The following PNRC1 variants were observed in gnomAD, a reference collection of about 807,000 sequenced individuals.
The protein encoded by PNRC1 is proline-rich nuclear receptor coactivator 1.
In PNRC1, 6 loss-of-function variants were observed where a neutral mutation model predicts 20.2. The ratio of observed to expected loss-of-function variants is 0.30; its 90% CI spans 0.16 to 0.59. The LOEUF (loss-of-function observed/expected upper bound fraction) is 0.59. PNRC1 is among the 20% of genes least tolerant of loss of function. PNRC1 has a pLI of 0.89. For synonymous variants in PNRC1, 202 were observed against 186.9 expected (o/e 1.08, Z -0.66); for missense variants, 488 against 430.2 (o/e 1.13, Z -1.19).
Position 89,084,192 on chromosome 6 carries a change from C to A in PNRC1, c.980C>A (p.Thr327Asn). Residue 327 changes from threonine (T) to asparagine (N), a missense_variant, in exon 2 of 2, where the codon ACT becomes AAT. Thr to Asn is a moderately conservative substitution (Grantham distance 65). Transcript: ENST00000336032. Reference protein sequence around the residue: ...VHLKTLLKVQT With the variant: ...VHLKTLLKVQN The stretch of plus-strand genomic sequence containing the variant: ...TTAAAAACGCTCCTCAAAGTTCAAA[C>A]TTAGATTTCAGATTTCAGTATGTGT... 6.4e-7 allele frequency: 1 copy of A among 1,570,310 alleles called. No individual in the cohort carries two copies. Among genetic ancestry groups the A allele is most frequent in the South Asian group, 1.2e-5 (1 of 84,416 alleles).
rs774008470 is a variant in PNRC1 at position 89,083,977 on chromosome 6, T to A, written c.765T>A (p.Asn255Lys). 1.1e-5 allele frequency: 18 copies of A among 1,613,732 alleles called. No individual in the cohort carries two copies. The African/African-American group carries it at 2.3e-4, about 20-fold the overall frequency. The change falls in exon 2 of 2, where the codon AAT becomes AAA. Residue 255 changes from asparagine to lysine, a missense_variant. Transcript: ENST00000336032. ...AGCAGGAAAAAAAGCCTTTTAAAAA[T>A]ACCGAGAACATTAAAAATTCGCATT... ...IQKQEKKPFK[N>K]TENIKNSHLK...
chr6:89,080,978 C>T lies in PNRC1; in HGVS notation c.84C>T (p.Tyr28=), dbSNP rs1323807826. ...CGCTTGGCTTTTCCTCCCGAGGTTA[C>T]TTTGGGGCCCTCCCGATGGTGACCA... is the stretch of plus-strand genomic sequence containing the variant. ...LAPLGFSSRG[Y]FGALPMVTTA... Residue 28 remains tyrosine, a synonymous_variant, in exon 1 of 2, where the codon TAC becomes TAT. Coordinates refer to ENST00000336032, the MANE Select transcript of PNRC1 (RefSeq NM_006813.3). 5.6e-6 allele frequency: 9 copies of T among 1,613,214 alleles called. No individual in the cohort carries two copies. Among genetic ancestry groups the T allele is most frequent in the Non-Finnish European group, 5.9e-6 (7 of 1,180,002 alleles).
At position 89,084,077 on chromosome 6, in the gene PNRC1, TCTC is replaced by T. The variant is rs1768061648; in HGVS notation, c.868_870del (p.Pro290del). The T allele has an allele frequency of 6.2e-7, 1 of 1,614,134 alleles. No homozygotes were observed. Among genetic ancestry groups the T allele is most frequent in the Non-Finnish European group, 8.5e-7 (1 of 1,180,012 alleles). ...TGGGGCAAAGTTTAGTGATCCACCT[TCTC>T]CTAGTGTTCTTCCAAAGCCTCCTAG... On this transcript the variant is annotated inframe_deletion, in exon 2 of 2. Coordinates refer to ENST00000336032, the MANE Select transcript of PNRC1 (RefSeq NM_006813.3).
chr6:89,081,005 G>C lies in PNRC1; in HGVS notation c.111G>C (p.Thr37=). The change falls in exon 1 of 2, where the codon ACG becomes ACC. Residue 37 remains threonine, a synonymous_variant. Coordinates refer to ENST00000336032, the MANE Select transcript of PNRC1 (RefSeq NM_006813.3). ...GYFGALPMVT[T]APPPLPRIPD... is the part of the protein sequence containing the mutation. ...TTGGGGCCCTCCCGATGGTGACCACGGCTCCGCCTCCTTTACCCCGGATCC... is the reference window on the plus strand; with the variant it reads ...TTGGGGCCCTCCCGATGGTGACCACCGCTCCGCCTCCTTTACCCCGGATCC... The C allele has an allele frequency of 1.2e-6, 2 of 1,612,786 alleles. No homozygotes were observed. The highest frequency in any genetic ancestry group is 8.5e-7 in the Non-Finnish European group (1 of 1,179,936).
At chr6:89,083,002 G>GTTTTTT (rs5878087) in intron 1 of PNRC1, among the ~76,000 whole-genome samples, 1 of 150,102 alleles carries the variant, frequency 6.7e-6, no homozygotes. Flanking sequence ...TAAGTTTTTT[G>GTTTTTT]TTGTTTTTTT....
intron 1 of PNRC1, 24 bp downstream of exon 1, chr6:89,081,458 G>A (rs958539898): frequency 1.0e-5 from 13 of 1,285,008 alleles, no homozygotes; most frequent in Non-Finnish European, 1.2e-5. Context: ...GGGGCCGTTG[G>A]GGAGTCGGGC....
Position 89,080,774 on chromosome 6 carries a change from G to T in PNRC1, c.-121G>T. On this transcript the variant is annotated 5_prime_UTR_variant, in exon 1 of 2. Transcript: ENST00000336032. ...TTGTTGCTGCGCCGCCACCGCCCGA[G>T]TCATGTTCCGCGATCTTCTCAGGCT... is the stretch of plus-strand genomic sequence containing the variant. 1 of 942,220 alleles carries T rather than the reference G, an allele frequency of 1.1e-6. No homozygotes were observed. The highest frequency in any genetic ancestry group is 1.6e-6 in the Non-Finnish European group (1 of 610,052). 58.4% of individuals were successfully genotyped at this position (942,220 alleles called of 1,614,324 possible).
At chr6:89,081,491 T>G (rs1420948842) in intron 1 of PNRC1, 57 bp downstream of exon 1, 6 of 785,422 alleles carry the variant, frequency 7.6e-6, no homozygotes, top group Non-Finnish European at 9.2e-6. Flanking sequence ...GCGGCCGAGC[T>G]CTGGGGCTGC....
chr6:89,080,802 C>G lies in PNRC1; in HGVS notation c.-93C>G. 8.0e-7 allele frequency: 1 copy of G among 1,247,192 alleles called. No individual in the cohort carries two copies. 77.3% of individuals were successfully genotyped at this position (1,247,192 alleles called of 1,614,324 possible). On this transcript the variant is annotated 5_prime_UTR_variant, in exon 1 of 2. Coordinates refer to ENST00000336032, the MANE Select transcript of PNRC1 (RefSeq NM_006813.3). ...ATGTTCCGCGATCTTCTCAGGCTCT[C>G]CTAGCAGCATCCATCGCCGCCACCC...
At chr6:89,083,570 C>G (rs1768049538) in intron 1 of PNRC1, among the ~76,000 whole-genome samples, 183 bp from the exon 2 acceptor site, 1 of 152,120 alleles carries the variant, frequency 6.6e-6, no homozygotes. Context: ...TTTTCTGTTT[C>G]TGCATTAATT....
intron 1 of PNRC1, chr6:89,082,678 C>T (rs774596307): frequency 2.0e-5 from 3 of 151,356 alleles, no homozygotes; most frequent in Admixed American, 1.3e-4. Flanking sequence ...GATTACCTTA[C>T]GCTTTTCCAT....
chr6:89,084,221 A>T lies in PNRC1; in HGVS notation c.*25A>T. ...GATTTCAGATTTCAGTATGTGTGTA[A>T]AACATAATTTTTCCCATATCCCTGG... On this transcript the variant is annotated 3_prime_UTR_variant, in exon 2 of 2. Coordinates refer to ENST00000336032, the MANE Select transcript of PNRC1 (RefSeq NM_006813.3). 6.6e-7 allele frequency: 1 copy of T among 1,507,504 alleles called. No homozygotes were observed. The highest frequency in any genetic ancestry group is 9.0e-7 in the Non-Finnish European group (1 of 1,117,090). 93.4% of individuals were successfully genotyped at this position (1,507,504 alleles called of 1,614,324 possible).
intron 1 of PNRC1, 140 bp from the exon 2 acceptor site, chr6:89,083,613 G>A (rs1346214760): frequency 1.6e-6 from 1 of 623,394 alleles, no homozygotes; most frequent in Non-Finnish European, 2.7e-6. Flanking sequence ...CTACATACGT[G>A]TTGTCACAAA....
Position 89,081,180 on chromosome 6 carries a change from A to AAGCGGCGAAAGAAG in PNRC1, c.288_301dup (p.Lys101SerfsTer87). On this transcript the variant is annotated frameshift_variant, in exon 1 of 2. Transcript: ENST00000336032. LOFTEE classifies it high-confidence loss of function. The stretch of plus-strand genomic sequence containing the variant: ...AGGCACTCCTCGGGCAGCGCCGAAG[A>AAGCGGCGAAAGAAG]AGCGGCGAAAGAAGAAGGTGCGGGC... 1 of 1,585,414 alleles carries AAGCGGCGAAAGAAG rather than the reference A, an allele frequency of 6.3e-7. No individual in the cohort carries two copies. Among genetic ancestry groups the AAGCGGCGAAAGAAG allele is most frequent in the Non-Finnish European group, 8.5e-7 (1 of 1,172,462 alleles).
Position 89,083,735 on chromosome 6 carries a change from G to A in PNRC1, c.541-18G>A. The A allele has an allele frequency of 6.5e-7, 1 of 1,537,868 alleles. No homozygotes were observed. The highest frequency in any genetic ancestry group is 8.8e-7 in the Non-Finnish European group (1 of 1,138,166). On this transcript the variant is annotated intron_variant, in intron 1 of 1. Coordinates refer to ENST00000336032, the MANE Select transcript of PNRC1 (RefSeq NM_006813.3). The stretch of plus-strand genomic sequence containing the variant: ...TTATCTAGAAACTATATTTACTTTT[G>A]TGTTCTTGTCTTTGTAGGTTTTAAA...
chr6:89,081,187 G>A lies in PNRC1; in HGVS notation c.293G>A (p.Arg98Gln). The A allele has an allele frequency of 6.3e-7, 1 of 1,580,064 alleles. No homozygotes were observed. The highest frequency in any genetic ancestry group is 8.5e-7 in the Non-Finnish European group (1 of 1,170,256). ...GTPRAAPKKR[R>Q]KKKVRASPAG... The stretch of plus-strand genomic sequence containing the variant: ...CCTCGGGCAGCGCCGAAGAAGCGGC[G>A]AAAGAAGAAGGTGCGGGCCAGCCCC... The change falls in exon 1 of 2, where the codon CGA becomes CAA. Residue 98 changes from arginine (R) to glutamine (Q), a missense_variant. Coordinates refer to ENST00000336032, the MANE Select transcript of PNRC1 (RefSeq NM_006813.3).
Position 89,080,888 on chromosome 6 carries a change from T to G in PNRC1, c.-7T>G. ...CTTCGTTGCTGAGCGACAAGCTTCCTAGCGCTATGACTGTCGTCTCCGTCC... is the reference window on the plus strand; with the variant it reads ...CTTCGTTGCTGAGCGACAAGCTTCCGAGCGCTATGACTGTCGTCTCCGTCC... On this transcript the variant is annotated 5_prime_UTR_variant, in exon 1 of 2. Coordinates refer to ENST00000336032, the MANE Select transcript of PNRC1 (RefSeq NM_006813.3). The G allele has an allele frequency of 6.2e-7, 1 of 1,609,462 alleles. No homozygotes were observed. Among genetic ancestry groups the G allele is most frequent in the Non-Finnish European group, 8.5e-7 (1 of 1,179,920 alleles).
chr6:89,081,285 G>A lies in PNRC1; in HGVS notation c.391G>A (p.Ala131Thr). 2 of 1,517,376 alleles carry A rather than the reference G, an allele frequency of 1.3e-6. No individual in the cohort carries two copies. The highest frequency in any genetic ancestry group is 1.8e-6 in the Non-Finnish European group (2 of 1,142,052). The allele number at this position is 1,517,376 out of a possible 1,614,324, so 94.0% of individuals were successfully genotyped here. Reference protein sequence around the residue: ...RPSLEGGRSPATGPSGAQEVP... With the variant: ...RPSLEGGRSPTTGPSGAQEVP... ...GAGTCTGGAGGGCGGCCGGAGCCCC[G>A]CGACCGGCCCGAGCGGAGCGCAGGA... The change falls in exon 1 of 2, where the codon GCG becomes ACG. Residue 131 changes from alanine (A) to threonine (T), a missense_variant. Transcript: ENST00000336032.
intron 1 of PNRC1, chr6:89,082,443 TTTAAA>T (rs1402699124): frequency 6.6e-6 from 1 of 152,264 alleles, no homozygotes; most frequent in South Asian, 2.1e-4. Flanking sequence ...ACCTTGTTTC[TTTAAA>T]TTATCGTCTC....
Sources: gnomAD v4.1 joint callset for allele counts (sites outside exome capture counted in the v4.1 genomes callset) on GRCh38, gnomAD v4.1.1 for gene constraint, MANE v1.5 for transcripts, NCBI Gene and HGNC (gene_info 2026-07-23, HGNC 2026-07-21) for gene names.